Variants in RIC1 observed in about 807,000 individuals in gnomAD.
The protein encoded by RIC1 is guanine nucleotide exchange factor subunit RIC1.
RIC1 carries 88 observed loss-of-function variants against 169.0 expected under a neutral mutation model. The observed-to-expected ratio is 0.52, with a 90% CI of 0.44 to 0.62. The LOEUF is 0.62. Ranked by LOEUF, RIC1 falls within the 20% of genes least tolerant of loss-of-function variation. RIC1 has a pLI of 0.00. For synonymous variants in RIC1, 790 were observed against 601.5 expected (o/e 1.31, Z -4.59); for missense variants, 1,877 against 1,725.5 (o/e 1.09, Z -1.56).
rs745798056 is a variant in RIC1, at chr9:5,757,318, ATAC to A, written c.1864_1866del (p.Thr622del). The A allele has an allele frequency of 6.8e-6, 11 of 1,613,870 alleles. No homozygotes were observed. The African/African-American group carries it at 8.0e-5, about 12-fold the overall frequency. On this transcript the variant is annotated inframe_deletion, in exon 17 of 26. Coordinates refer to ENST00000414202, the MANE Select transcript of RIC1 (RefSeq NM_020829.4). ...GGTTTCTTTTGTTTTTACAGTCCAA[ATAC>A]TACTGCTGGTATTCAAGTTCTTCAG...
intron 1 of RIC1, among the ~76,000 whole-genome samples, chr9:5,641,371 A>G (rs1326874736): frequency 6.6e-6 from 1 of 152,032 alleles, no homozygotes; most frequent in Admixed American, 6.6e-5. Context: ...GATTACAGGC[A>G]TGAGCCACCG....
At chr9:5,642,796 G>A (rs1210089831) in intron 1 of RIC1, among the ~76,000 whole-genome samples, 3 of 115,452 alleles carry the variant, frequency 2.6e-5, no homozygotes, top group Non-Finnish European at 5.1e-5. Context: ...TGTGGACTAG[G>A]TATTTTACAT....
chr9:5,662,031 T>C (rs889381126), intron 2 of RIC1, among the ~76,000 whole-genome samples: 3 of 152,246 alleles, frequency 2.0e-5, no homozygotes, highest in African/African-American at 7.2e-5. Context: ...TTGAGAGTTT[T>C]TAACCTAAAG....
chr9:5,653,399 G>A (rs759373264), intron 1 of RIC1, among the ~76,000 whole-genome samples: 1 of 152,038 alleles, frequency 6.6e-6, no homozygotes, highest in African/African-American at 2.4e-5. Context: ...GTATTAAGTT[G>A]CTAGTCTTGG....
At chr9:5,734,733 T>C (rs1672944536) in intron 7 of RIC1, among the ~76,000 whole-genome samples, 1 of 138,324 alleles carries the variant, frequency 7.2e-6, no homozygotes, top group Admixed American at 7.2e-5. Context: ...TTGACTCACT[T>C]AGTAACTGGT....
intron 1 of RIC1, among the ~76,000 whole-genome samples, chr9:5,635,210 A>G (rs1486289299): frequency 6.6e-6 from 1 of 152,110 alleles, no homozygotes; most frequent in Non-Finnish European, 1.5e-5. Flanking sequence ...AGACTCCTGG[A>G]CACAAGTGAT....
chr9:5,722,036 GCAC>G (rs1323424349), intron 6 of RIC1, among the ~76,000 whole-genome samples: 1 of 151,628 alleles, frequency 6.6e-6, no homozygotes, highest in Non-Finnish European at 1.5e-5. Flanking sequence ...TTACAGGCAT[GCAC>G]CACCACGCCC....
At chr9:5,642,844 A>C (rs1204754187) in intron 1 of RIC1, among the ~76,000 whole-genome samples, 1 of 152,090 alleles carries the variant, frequency 6.6e-6, no homozygotes, top group Non-Finnish European at 1.5e-5. Context: ...AGTTCTTTTT[A>C]TTTCTCATTC....
At chr9:5,635,026 C>T (rs971222275) in intron 1 of RIC1, among the ~76,000 whole-genome samples, 4 of 152,166 alleles carry the variant, frequency 2.6e-5, no homozygotes, top group Non-Finnish European at 5.9e-5. Context: ...GGGTCTCACT[C>T]TGTCACTCTG....
chr9:5,695,000 T>C (rs1017026490), intron 3 of RIC1, among the ~76,000 whole-genome samples: 5 of 152,230 alleles, frequency 3.3e-5, no homozygotes, highest in Non-Finnish European at 7.3e-5. Flanking sequence ...GATCTTGTTA[T>C]TCTTCTAGTA....
chr9:5,773,598 T>G (rs567126947), intron 25 of RIC1, among the ~76,000 whole-genome samples: 7 of 152,348 alleles, frequency 4.6e-5, no homozygotes, highest in Admixed American at 2.0e-4. Context: ...TTGGATCTGG[T>G]TTTCCTTAAT....
intron 3 of RIC1, among the ~76,000 whole-genome samples, chr9:5,694,754 TG>T (rs1359955995): frequency 6.6e-6 from 1 of 151,206 alleles, no homozygotes. Flanking sequence ...GCTGTCTCAA[TG>T]TGTGATAATA....
intron 4 of RIC1, among the ~76,000 whole-genome samples, chr9:5,717,504 G>A (rs973384885): frequency 6.6e-6 from 1 of 152,090 alleles, no homozygotes; most frequent in African/African-American, 2.4e-5. Flanking sequence ...GACCAATCCG[G>A]GAGAACAGAC....
chr9:5,665,735 C>G (rs983125726), intron 2 of RIC1, among the ~76,000 whole-genome samples: 11 of 152,072 alleles, frequency 7.2e-5, no homozygotes. Flanking sequence ...CCCTAGTTGC[C>G]TCGATTTTTC....
At chr9:5,697,812 G>A (rs902058207) in intron 3 of RIC1, among the ~76,000 whole-genome samples, 1 of 152,142 alleles carries the variant, frequency 6.6e-6, no homozygotes, top group Admixed American at 6.5e-5. Context: ...CCTGCTATCT[G>A]TAAAACACTT....
intron 1 of RIC1, among the ~76,000 whole-genome samples, chr9:5,655,214 C>G (rs906193778): frequency 9.9e-5 from 15 of 152,228 alleles, no homozygotes; most frequent in African/African-American, 3.1e-4. Flanking sequence ...TTCTTTATCA[C>G]GTTGAAAAAA....
intron 6 of RIC1, among the ~76,000 whole-genome samples, chr9:5,723,750 A>G (rs201794507): frequency 2.0e-5 from 3 of 152,118 alleles, no homozygotes; most frequent in Non-Finnish European, 4.4e-5. Flanking sequence ...GTGTAAGGAA[A>G]GGATCCAGTT....
At chr9:5,639,046 G>T (rs578209539) in intron 1 of RIC1, among the ~76,000 whole-genome samples, 1 of 152,208 alleles carries the variant, frequency 6.6e-6, no homozygotes, top group African/African-American at 2.4e-5. Context: ...CCCCTAAATA[G>T]TTGGGACTAC....
At chr9:5,766,801 A>C (rs563135053) in intron 21 of RIC1, among the ~76,000 whole-genome samples, 4 of 152,324 alleles carry the variant, frequency 2.6e-5, no homozygotes, top group African/African-American at 7.2e-5. Flanking sequence ...CTGTGCTGCT[A>C]TAAACGTGTG....
Sources: gnomAD v4.1 joint callset for allele counts (sites outside exome capture counted in the v4.1 genomes callset) on GRCh38, gnomAD v4.1.1 for gene constraint, MANE v1.5 for transcripts, NCBI Gene and HGNC (gene_info 2026-07-23, HGNC 2026-07-21) for gene names.